RER1: variants seen among roughly 807,000 people sequenced by gnomAD.
RER1 encodes retention in endoplasmic reticulum sorting receptor 1.
In RER1, 6 loss-of-function variants were observed where a neutral mutation model predicts 28.3. The ratio of observed to expected loss-of-function variants is 0.21; its 90% CI spans 0.12 to 0.42. RER1 has a LOEUF of 0.42. Among genes scored for constraint, RER1 ranks in the 10% least tolerant of loss-of-function variants. The pLI is 1.00. For missense variants in RER1, 159 were observed against 252.9 expected (o/e 0.63, Z 2.52); for synonymous variants, 110 against 95.9 (o/e 1.15, Z -0.86).
intron 3 of RER1, among the ~76,000 whole-genome samples, chr1:2,397,459 G>T (rs892426388): frequency 1.3e-5 from 2 of 152,218 alleles, no homozygotes; most frequent in Non-Finnish European, 2.9e-5. Context: ...CCTGAGCCCA[G>T]CCTGGCCCTG....
In RER1 at chr1:2,401,212, C is replaced by T. The variant is rs796164199; in HGVS notation, c.365+277C>T. Among the ~76,000 whole-genome samples, 10 of 128,410 alleles carry T rather than the reference C, an allele frequency of 7.8e-5. No individual in the cohort carries two copies. In the East Asian group the frequency reaches 2.1e-3, roughly 26 times the overall value. 84.2% of individuals were successfully genotyped at this position (128,410 alleles called of 152,430 possible). ...GAGGGCAGGCCCTCTGTCCTCCCTC[C>T]TCCTCCCTCCTCCTCCCTTCCTCCC... On this transcript the variant is annotated intron_variant, in intron 5 of 6. Transcript: ENST00000605895.
intron 1 of RER1, 26 bp downstream of exon 1, chr1:2,391,984 G>A (rs1642681496): frequency 6.4e-6 from 1 of 156,212 alleles, no homozygotes; most frequent in Admixed American, 6.5e-5. Flanking sequence ...GCGTGGCGCG[G>A]GAACGGCCGG....
At chr1:2,402,393 C>T (rs750605411) in intron 6 of RER1, 51 bp downstream of exon 6, 4 of 1,611,134 alleles carry the variant, frequency 2.5e-6, no homozygotes, top group East Asian at 2.2e-5. Flanking sequence ...GTTCTGTTAC[C>T]CGCAGCATTG....
intron 5 of RER1, among the ~76,000 whole-genome samples, chr1:2,401,262 C>CT (rs1168337390): frequency 7.4e-5 from 9 of 121,530 alleles, no homozygotes; most frequent in Admixed American, 8.0e-5. Flanking sequence ...TTCCTCCCTC[C>CT]TCCACCCTCC....
rs778969831 is a variant in RER1 at position 2,400,870 on chromosome 1, G to C, written c.300G>C (p.Ser100=). The stretch of plus-strand genomic sequence containing the variant: ...TCTGCCTTACAGATGACGGTCCTTC[G>C]CTACCCACCAAACAGAACGAGGAAT... ...SLMEDSDDGP[S]LPTKQNEEFR... Residue 100 remains serine, a synonymous_variant, in exon 5 of 7, where the codon TCG becomes TCC. Transcript: ENST00000605895. 2 of 1,613,978 alleles carry C rather than the reference G, an allele frequency of 1.2e-6. No individual in the cohort carries two copies. Among genetic ancestry groups the C allele is most frequent in the Admixed American group, 3.3e-5 (2 of 60,006 alleles).
chr1:2,401,602 C>A (rs1373044175), intron 5 of RER1, among the ~76,000 whole-genome samples: 1 of 151,534 alleles, frequency 6.6e-6, no homozygotes, highest in Non-Finnish European at 1.5e-5. Flanking sequence ...GTCCCTCATA[C>A]CCCACTCTGG....
At chr1:2,402,529 C>T (rs956201282) in intron 6 of RER1, among the ~76,000 whole-genome samples, 187 bp downstream of exon 6, 10 of 151,948 alleles carry the variant, frequency 6.6e-5, no homozygotes, top group Non-Finnish European at 1.2e-4. Flanking sequence ...GCTAACTAAA[C>T]GGGGAGCGCA....
intron 5 of RER1, 93 bp downstream of exon 5, chr1:2,401,028 A>G: frequency 7.4e-6 from 8 of 1,073,912 alleles, no homozygotes; most frequent in Non-Finnish European, 1.0e-5. Flanking sequence ...CACCTGAAAG[A>G]TGACTGCTGT....
chr1:2,402,970 T>G (rs1208948687), intron 6 of RER1, 65 bp from the exon 7 acceptor site: 10 of 1,375,010 alleles, frequency 7.3e-6, no homozygotes, highest in Admixed American at 1.8e-5. Context: ...CCGCTCAGAT[T>G]TGGGGACAGT....
At chr1:2,395,360 C>T (rs144971164) in intron 1 of RER1, 8 of 230,390 alleles carry the variant, frequency 3.5e-5, no homozygotes, top group African/African-American at 1.8e-4. Context: ...CAGGACAGGG[C>T]GTGGAGCAGA....
intron 6 of RER1, among the ~76,000 whole-genome samples, chr1:2,402,811 G>A (rs1008844881): frequency 1.3e-5 from 2 of 152,194 alleles, no homozygotes; most frequent in Admixed American, 6.5e-5. Flanking sequence ...CTTCCTCCAC[G>A]GGAGGCTCAC....
intron 6 of RER1, 25 bp downstream of exon 6, chr1:2,402,367 G>A (rs1642877944): frequency 2.5e-6 from 4 of 1,613,686 alleles, no homozygotes; most frequent in Admixed American, 1.7e-5. Flanking sequence ...CTGCCGCCAC[G>A]CCGGCCGCAA....
Position 2,403,749 on chromosome 1 carries a change from T to A in RER1, c.*625T>A, listed in dbSNP as rs950158907. 1 of 152,628 alleles carries A rather than the reference T, an allele frequency of 6.6e-6. No individual in the cohort carries two copies. Among genetic ancestry groups the A allele is most frequent in the Admixed American group, 6.5e-5 (1 of 15,284 alleles). 9.5% of individuals were successfully genotyped at this position (152,628 alleles called of 1,614,324 possible). On this transcript the variant is annotated 3_prime_UTR_variant, in exon 7 of 7. Transcript: ENST00000605895. ...GGAATTATAAATATATATTATATTT[T>A]AATTGTTTGAGATTATTTTGACACA...
At chr1:2,393,753 C>T (rs955717254) in intron 1 of RER1, among the ~76,000 whole-genome samples, 6 of 152,236 alleles carry the variant, frequency 3.9e-5, no homozygotes, top group African/African-American at 7.2e-5. Flanking sequence ...TTGCTCCTGC[C>T]GCCCTGCCTC....
At chr1:2,394,051 G>A (rs1642732305) in intron 1 of RER1, 2 of 152,252 alleles carry the variant, frequency 1.3e-5, no homozygotes, top group South Asian at 2.1e-4. Context: ...CTTACAAGGA[G>A]CTATAGGACG....
In RER1 at chr1:2,403,099, A is replaced by G; in HGVS notation, c.566A>G (p.Asp189Gly). The G allele has an allele frequency of 6.2e-7, 1 of 1,614,158 alleles. No individual in the cohort carries two copies. Among genetic ancestry groups the G allele is most frequent in the Non-Finnish European group, 8.5e-7 (1 of 1,180,008 alleles). ...HGKRRYRGKE[D>G]AGKAFAS ...AAGAGAAGGTACAGAGGCAAGGAGG[A>G]TGCCGGCAAGGCCTTCGCCAGCTAG... The change falls in exon 7 of 7, where the codon GAT becomes GGT. Residue 189 changes from aspartate (D) to glycine (G), a missense_variant. Physicochemically the swap from Asp to Gly is moderately conservative, Grantham distance 94. Coordinates refer to ENST00000605895, the MANE Select transcript of RER1 (RefSeq NM_007033.5).
At chr1:2,401,408 C>T (rs1195105151) in intron 5 of RER1, among the ~76,000 whole-genome samples, 1 of 117,112 alleles carries the variant, frequency 8.5e-6, no homozygotes, top group African/African-American at 3.4e-5. Flanking sequence ...CTCCTCCTCC[C>T]TCCTTCCTCC....
At chr1:2,392,192 C>T (rs946094963) in intron 1 of RER1, among the ~76,000 whole-genome samples, 10 of 151,548 alleles carry the variant, frequency 6.6e-5, no homozygotes, top group African/African-American at 2.4e-4. Flanking sequence ...AGCCCTGGGG[C>T]CTGCGAGGGT....
At chr1:2,398,751 T>G (rs6693447) in intron 3 of RER1, among the ~76,000 whole-genome samples, 61,772 of 152,198 alleles carry the variant, frequency 0.41, 13,237 homozygotes, top group Non-Finnish European at 0.46. Context: ...TGCTTAATCA[T>G]TTTAAAAAAT....
Sources: gnomAD v4.1 joint callset for allele counts (sites outside exome capture counted in the v4.1 genomes callset) on GRCh38, gnomAD v4.1.1 for gene constraint, MANE v1.5 for transcripts, NCBI Gene and HGNC (gene_info 2026-07-23, HGNC 2026-07-21) for gene names.